PAN3: variants seen among roughly 807,000 people sequenced by gnomAD.
PAN3 encodes the protein PAN2-PAN3 deadenylation complex subunit PAN3.
Under a neutral mutation model 96.2 loss-of-function variants are expected in PAN3, and 19 were observed. The observed-to-expected ratio is 0.20, with a 90% CI of 0.14 to 0.29. The LOEUF (loss-of-function observed/expected upper bound fraction) is 0.29, where lower values mean the gene tolerates loss of function less well. PAN3 is among the 10% of genes least tolerant of loss of function. The probability of loss-of-function intolerance (pLI) is 1.00; values close to 1 mark genes in which losing one functional copy is unlikely to be tolerated. For missense variants in PAN3, 882 were observed against 1,108.1 expected (o/e 0.80, Z 2.90); for synonymous variants, 433 against 406.6 (o/e 1.06, Z -0.78).
At chr13:28,244,940 C>T (rs1649822594) in intron 6 of PAN3, among the ~76,000 whole-genome samples, 2 of 152,100 alleles carry the variant, frequency 1.3e-5, no homozygotes, top group Admixed American at 6.5e-5. Flanking sequence ...CCTCCGCCTC[C>T]CGGGTTCTAG....
chr13:28,140,207 CTCAGTGTGTTGTTA>C (rs1374820308), intron 1 of PAN3, among the ~76,000 whole-genome samples: 1 of 152,164 alleles, frequency 6.6e-6, no homozygotes, highest in Non-Finnish European at 1.5e-5. Context: ...TCCTCAGCCT[CTCAGTGTGTTGTTA>C]TCTATTGACC....
intron 15 of PAN3, 45 bp downstream of exon 15, chr13:28,277,421 A>T (rs764273505): frequency 6.4e-7 from 1 of 1,558,978 alleles, no homozygotes; most frequent in Non-Finnish European, 8.7e-7. Flanking sequence ...ATTATTTGCG[A>T]TAAGACAGAG....
chr13:28,242,372 A>AT lies in PAN3; in HGVS notation c.1001-13912dup, dbSNP rs937321139. ...AAGAGGAGATCTTCACCTCTAATCCATTTTTTTTCAACAAAATTATTTTTT... is the reference window on the plus strand; with the variant it reads ...AAGAGGAGATCTTCACCTCTAATCCATTTTTTTTTCAACAAAATTATTTTTT... On this transcript the variant is annotated intron_variant, in intron 6 of 18. Coordinates refer to ENST00000380958, the MANE Select transcript of PAN3 (RefSeq NM_175854.8). 3.3e-4 allele frequency among the ~76,000 whole-genome samples: 50 copies of AT among 151,588 alleles called. 1 individual carries two copies. Among genetic ancestry groups the AT allele is most frequent in the African/African-American group, 3.6e-4 (15 of 41,258 alleles).
chr13:28,143,364 T>C (rs1870138707), intron 1 of PAN3, among the ~76,000 whole-genome samples: 1 of 152,240 alleles, frequency 6.6e-6, no homozygotes, highest in South Asian at 2.1e-4. Flanking sequence ...GTAATTCTAA[T>C]ATTTTCAACT....
intron 15 of PAN3, among the ~76,000 whole-genome samples, chr13:28,278,017 A>G (rs1209432016): frequency 6.6e-6 from 1 of 152,276 alleles, no homozygotes; most frequent in Non-Finnish European, 1.5e-5. Context: ...ACTTCTCCGT[A>G]AGATATAGCT....
At chr13:28,149,696 C>T (rs1376612132) in intron 1 of PAN3, among the ~76,000 whole-genome samples, 1 of 152,166 alleles carries the variant, frequency 6.6e-6, no homozygotes, top group African/African-American at 2.4e-5. Flanking sequence ...ACTGCATGCA[C>T]CCTTGAACTC....
At chr13:28,158,264 A>G (rs555804511) in intron 1 of PAN3, among the ~76,000 whole-genome samples, 2 of 152,304 alleles carry the variant, frequency 1.3e-5, no homozygotes, top group Admixed American at 6.5e-5. Flanking sequence ...CCTAGGAAAT[A>G]CCATTCTGGA....
intron 1 of PAN3, 75 bp downstream of exon 1, chr13:28,139,162 G>C (rs913964895): frequency 1.4e-5 from 17 of 1,241,206 alleles, no homozygotes; most frequent in Admixed American, 8.5e-5. Context: ...TGCTGCCGAC[G>C]GGAGCTGAGC....
intron 1 of PAN3, among the ~76,000 whole-genome samples, chr13:28,155,698 A>G (rs183182701): frequency 6.6e-6 from 1 of 151,374 alleles, no homozygotes; most frequent in Non-Finnish European, 1.5e-5. Context: ...ACATAGTATG[A>G]TATATATATA....
chr13:28,270,677 T>C (rs979866087), intron 12 of PAN3, 24 bp from the exon 13 acceptor site: 1 of 1,595,528 alleles, frequency 6.3e-7, no homozygotes, highest in Non-Finnish European at 8.5e-7. Flanking sequence ...AAGATGTCAT[T>C]TTTTGGATTT....
intron 5 of PAN3, chr13:28,215,530 A>T: frequency 3.0e-6 from 2 of 677,302 alleles, no homozygotes; most frequent in East Asian, 5.3e-5. Flanking sequence ...AGTTGGCCTC[A>T]CTGCTCAGTG....
At chr13:28,192,489 C>A (rs1385247169) in intron 4 of PAN3, among the ~76,000 whole-genome samples, 2 of 152,198 alleles carry the variant, frequency 1.3e-5, no homozygotes, top group Admixed American at 6.5e-5. Flanking sequence ...ACATAGTTTT[C>A]CCCTAACCTA....
At chr13:28,192,144 A>T (rs1156959762) in intron 4 of PAN3, among the ~76,000 whole-genome samples, 1 of 149,412 alleles carries the variant, frequency 6.7e-6, no homozygotes, top group Non-Finnish European at 1.5e-5. Flanking sequence ...ATCTCAGCTC[A>T]CTGCAGCCTC....
intron 14 of PAN3, among the ~76,000 whole-genome samples, chr13:28,275,832 T>C (rs552509084): frequency 1.3e-3 from 193 of 152,338 alleles, no homozygotes; most frequent in Middle Eastern, 6.8e-3. Context: ...TTTGAATCTT[T>C]TCTAATAGAT....
chr13:28,266,692 C>G, intron 9 of PAN3, 23 bp from the exon 10 acceptor site: 1 of 1,506,652 alleles, frequency 6.6e-7, no homozygotes, highest in Non-Finnish European at 8.9e-7. Flanking sequence ...ATTTTCAAGT[C>G]ATCTTCTTAT....
chr13:28,275,316 A>G (rs1189971767), intron 14 of PAN3, among the ~76,000 whole-genome samples: 1 of 152,124 alleles, frequency 6.6e-6, no homozygotes, highest in Non-Finnish European at 1.5e-5. Flanking sequence ...ATCAGATGTT[A>G]TTTTTTAAAC....
rs149379555 is a variant in PAN3, at chr13:28,163,212, A to C, written c.431-11060A>C. Among the ~76,000 whole-genome samples, 357 of 152,324 alleles carry C rather than the reference A, an allele frequency of 2.3e-3. 1 individual carries two copies. The highest frequency in any genetic ancestry group is 8.2e-3 in the African/African-American group (342 of 41,572). ...AAATAATAAAAAATAAATTCAAAAC[A>C]AAACAAAGATAAGATAATTTACATT... On this transcript the variant is annotated intron_variant, in intron 1 of 18. Coordinates refer to ENST00000380958, the MANE Select transcript of PAN3 (RefSeq NM_175854.8).
intron 6 of PAN3, among the ~76,000 whole-genome samples, chr13:28,223,049 G>T (rs1881571445): frequency 6.6e-6 from 1 of 152,050 alleles, no homozygotes; most frequent in African/African-American, 2.4e-5. Flanking sequence ...ATTAAGAGTG[G>T]GTTTCCTCAA....
intron 1 of PAN3, among the ~76,000 whole-genome samples, chr13:28,141,080 A>G (rs1869739980): frequency 6.9e-6 from 1 of 144,570 alleles, no homozygotes; most frequent in Non-Finnish European, 1.5e-5. Context: ...CTCGGCTCAC[A>G]GCAACCTCCA....
Sources: gnomAD v4.1 joint callset for allele counts (sites outside exome capture counted in the v4.1 genomes callset) on GRCh38, gnomAD v4.1.1 for gene constraint, MANE v1.5 for transcripts, NCBI Gene and HGNC (gene_info 2026-07-23, HGNC 2026-07-21) for gene names.